ABLIM2: variants seen among roughly 807,000 people sequenced by gnomAD.
The protein encoded by ABLIM2 is actin binding LIM protein family member 2, also known as actin-binding LIM protein 2.
ABLIM2 carries 53 observed loss-of-function variants against 97.7 expected under a neutral mutation model. The observed-to-expected ratio is 0.54, with a 90% CI of 0.44 to 0.68. The LOEUF is 0.68. Among genes scored for constraint, ABLIM2 ranks in the 30% least tolerant of loss-of-function variants. ABLIM2 has a pLI of 0.00. For missense variants in ABLIM2, 835 were observed against 867.2 expected (o/e 0.96, Z 0.47); for synonymous variants, 361 against 345.8 (o/e 1.04, Z -0.49).
At chr4:8,098,077 C>T (rs752729633) in intron 2 of ABLIM2, among the ~76,000 whole-genome samples, 4 of 152,180 alleles carry the variant, frequency 2.6e-5, no homozygotes, top group Non-Finnish European at 5.9e-5. Flanking sequence ...TCCTGAGACC[C>T]GATCGCATTC....
rs534949331 is a variant in ABLIM2 at position 8,070,779 on chromosome 4, G to C, written c.675+6849C>G. 4.6e-5 allele frequency among the ~76,000 whole-genome samples: 7 copies of C among 152,284 alleles called. No homozygotes were observed. The South Asian group carries it at 1.2e-3, about 27-fold the overall frequency. ...GGGAGTGGTTGACTGGGGAAGGAAA[G>C]AGAGGAGGGGCAGAGGGAGGGAAGG... On this transcript the variant is annotated intron_variant, in intron 6 of 20. Coordinates refer to ENST00000447017, the MANE Select transcript of ABLIM2 (RefSeq NM_001130083.2).
At chr4:7,995,104 T>A (rs1752326990) in intron 16 of ABLIM2, among the ~76,000 whole-genome samples, 1 of 144,614 alleles carries the variant, frequency 6.9e-6, no homozygotes, top group Admixed American at 7.0e-5. Context: ...ATCAGAGAAA[T>A]GCAAATCAAA....
At chr4:8,053,542 C>T (rs375614305) in intron 8 of ABLIM2, among the ~76,000 whole-genome samples, 1 of 152,144 alleles carries the variant, frequency 6.6e-6, no homozygotes, top group African/African-American at 2.4e-5. Flanking sequence ...ACTGTTTGGG[C>T]CCCCTAACAC....
chr4:8,063,099 T>G (rs1804486221), intron 6 of ABLIM2, among the ~76,000 whole-genome samples: 1 of 152,182 alleles, frequency 6.6e-6, no homozygotes, highest in African/African-American at 2.4e-5. Context: ...AGAGTCTCGC[T>G]CTGTTGCCCA....
In ABLIM2 at chr4:7,997,179, CT is replaced by C. The variant is rs1266101035; in HGVS notation, c.1619-4253del. ...CTCCGTCTCCCAGGTTCAAGCGATT[CT>C]CCTGCCTCAGCCTCCCAAGTAACTG... On this transcript the variant is annotated intron_variant, in intron 16 of 20. Transcript: ENST00000447017. Among the ~76,000 whole-genome samples the C allele has an allele frequency of 3.9e-5, 6 of 152,326 alleles. No individual in the cohort carries two copies. In the East Asian group the frequency reaches 1.2e-3, roughly 29 times the overall value.
chr4:8,007,145 T>C, intron 16 of ABLIM2: 1 of 985,456 alleles, frequency 1.0e-6, no homozygotes, highest in Non-Finnish European at 1.2e-6. Flanking sequence ...GTTTACAGTT[T>C]GCAGGCATGA....
In ABLIM2 at chr4:8,061,022, C is replaced by A. The variant is rs377271680; in HGVS notation, c.708G>T (p.Ala236=). Residue 236 remains alanine (A), a synonymous_variant, in exon 7 of 21, where the codon GCG becomes GCT. Coordinates refer to ENST00000447017, the MANE Select transcript of ABLIM2 (RefSeq NM_001130083.2). The surrounding 1 kb of genome is among the most constrained non-coding windows in gnomAD (Gnocchi z 4.5). Reference sequence around the variant, plus strand: ...ACATCTGGCCGCACCTGACACATAGCGCGCAGGAAGGGTGGTAGTGCTTCT... The same window carrying A: ...ACATCTGGCCGCACCTGACACATAGAGCGCAGGAAGGGTGGTAGTGCTTCT... ...AGEKHYHPSC[A]LCVRCGQMFA... The A allele has an allele frequency of 1.3e-6, 2 of 1,598,510 alleles. No homozygotes were observed. Among genetic ancestry groups the A allele is most frequent in the Non-Finnish European group, 1.7e-6 (2 of 1,172,572 alleles).
intron 16 of ABLIM2, chr4:7,993,833 G>C (rs994858678): frequency 1.3e-5 from 6 of 456,116 alleles, no homozygotes; most frequent in Non-Finnish European, 2.2e-5. Context: ...CTGTCAGGAG[G>C]GGGCAGCCTT....
rs1042947166 is a variant in ABLIM2, at chr4:8,005,915, C to T, written c.1618+2144G>A. 2.6e-5 allele frequency among the ~76,000 whole-genome samples: 4 copies of T among 152,330 alleles called. No homozygotes were observed. The highest frequency in any genetic ancestry group is 6.5e-5 in the Admixed American group (1 of 15,302). On this transcript the variant is annotated intron_variant, in intron 16 of 20. Coordinates refer to ENST00000447017, the MANE Select transcript of ABLIM2 (RefSeq NM_001130083.2). The surrounding 1 kb of genome is among the most constrained non-coding windows in gnomAD (Gnocchi z 4.9). ...CCCCGGGGAATTCATGAGTGCAGCA[C>T]GGGCCATTGGAGTCCTGCAGACCCA...
chr4:8,131,728 G>T (rs1363150587), intron 1 of ABLIM2, among the ~76,000 whole-genome samples: 2 of 84,506 alleles, frequency 2.4e-5, no homozygotes, highest in Non-Finnish European at 2.3e-5. Flanking sequence ...GAGCACAGCA[G>T]CCCGCATCCC....
rs2150278001 is a variant in ABLIM2, at chr4:8,003,753, C to CG, written c.1618+4305dup. Among the ~76,000 whole-genome samples, 1 of 152,058 alleles carries CG rather than the reference C, an allele frequency of 6.6e-6. No homozygotes were observed. The highest frequency in any genetic ancestry group is 6.5e-5 in the Admixed American group (1 of 15,286). On this transcript the variant is annotated intron_variant, in intron 16 of 20. Coordinates refer to ENST00000447017, the MANE Select transcript of ABLIM2 (RefSeq NM_001130083.2). The surrounding 1 kb of genome is among the most constrained non-coding windows in gnomAD (Gnocchi z 4.2). ...GCTGATTTTTTGTGTTTAGTAGAGA[C>CG]GGGGTTTCACCATGTTGGTCAGGCT...
Position 8,126,162 on chromosome 4 carries a change from G to T in ABLIM2, c.11-19525C>A, listed in dbSNP as rs78005917. The stretch of plus-strand genomic sequence containing the variant: ...GGAGTTTCAGAGTGTGAGGCGCTGA[G>T]GGGGGGCTATGGACAAGAGTCCCAG... On this transcript the variant is annotated intron_variant, in intron 1 of 20. Transcript: ENST00000447017. Among the ~76,000 whole-genome samples, 1,177 of 152,256 alleles carry T rather than the reference G, an allele frequency of 7.7e-3. 17 individuals carry two copies. The highest frequency in any genetic ancestry group is 0.027 in the African/African-American group (1,140 of 41,528).
At chr4:8,091,295 ATATAT>A (rs1284778733) in intron 3 of ABLIM2, among the ~76,000 whole-genome samples, 3 of 56,470 alleles carry the variant, frequency 5.3e-5, no homozygotes, top group Non-Finnish European at 9.0e-5. Flanking sequence ...ATATAATATT[ATATAT>A]TATATTATAT....
rs1848904250 is a variant in ABLIM2, at chr4:8,128,791, G to T, written c.11-22154C>A. Among the ~76,000 whole-genome samples, 2 of 152,104 alleles carry T rather than the reference G, an allele frequency of 1.3e-5. No individual in the cohort carries two copies. Among genetic ancestry groups the T allele is most frequent in the African/African-American group, 2.4e-5 (1 of 41,418 alleles). The stretch of plus-strand genomic sequence containing the variant: ...AGGTGGAGCCCTCATCATGGGATGA[G>T]TGCCCTTGTAAGAAGAGGCCAGAGG... On this transcript the variant is annotated intron_variant, in intron 1 of 20. Transcript: ENST00000447017. The surrounding 1 kb of genome is among the most constrained non-coding windows in gnomAD (Gnocchi z 4.9).
At chr4:8,059,761 C>T (rs1801659748) in intron 7 of ABLIM2, among the ~76,000 whole-genome samples, 1 of 151,962 alleles carries the variant, frequency 6.6e-6, no homozygotes, top group Non-Finnish European at 1.5e-5. Context: ...AAAAAATTAG[C>T]CGGGTATGGT....
rs575997809 is a variant in ABLIM2, at chr4:8,064,283, AT to A, written c.676-3230del. 3.2e-3 allele frequency among the ~76,000 whole-genome samples: 492 copies of A among 152,364 alleles called. 3 individuals carry two copies. The highest frequency in any genetic ancestry group is 6.0e-3 in the Non-Finnish European group (409 of 68,036). On this transcript the variant is annotated intron_variant, in intron 6 of 20. Coordinates refer to ENST00000447017, the MANE Select transcript of ABLIM2 (RefSeq NM_001130083.2). Reference sequence around the variant, plus strand: ...CCTTCAAAACTCATGTTGAAATCTAATCACCTGTGTGGCAGTATTGAGAGGG... The same window carrying A: ...CCTTCAAAACTCATGTTGAAATCTAACACCTGTGTGGCAGTATTGAGAGGG...
Position 8,082,401 on chromosome 4 carries a change from C to G in ABLIM2, c.455-1599G>C, listed in dbSNP as rs1820506671. 6.6e-6 allele frequency among the ~76,000 whole-genome samples: 1 copy of G among 152,190 alleles called. No homozygotes were observed. Among genetic ancestry groups the G allele is most frequent in the Non-Finnish European group, 1.5e-5 (1 of 68,036 alleles). On this transcript the variant is annotated intron_variant, in intron 4 of 20. Transcript: ENST00000447017. This position sits in a 1 kb window ranked among gnomAD's most constrained non-coding sequence, Gnocchi z 5.6. Reference sequence around the variant, plus strand: ...GCTAATTTACACAGAAGACCTGGCCCAAAGCCTTGCGCATCCCGGGTGAAC... The same window carrying G: ...GCTAATTTACACAGAAGACCTGGCCGAAAGCCTTGCGCATCCCGGGTGAAC...
chr4:8,099,367 C>T (rs10010506), intron 2 of ABLIM2, among the ~76,000 whole-genome samples: 3,739 of 152,256 alleles, frequency 0.025, 170 homozygotes, highest in African/African-American at 0.085. Context: ...AAAGACGTGA[C>T]GGCGTGAGCT....
intron 8 of ABLIM2, among the ~76,000 whole-genome samples, chr4:8,051,005 A>G (rs957350735): frequency 3.3e-5 from 5 of 152,250 alleles, no homozygotes; most frequent in African/African-American, 1.2e-4. Context: ...CCGGTGGTTA[A>G]GTGACCCCTG....
Sources: gnomAD v4.1 joint callset for allele counts (sites outside exome capture counted in the v4.1 genomes callset) on GRCh38, gnomAD v4.1.1 for gene constraint, Gnocchi (gnomAD v3.1) non-coding constraint, MANE v1.5 for transcripts, NCBI Gene and HGNC (gene_info 2026-07-23, HGNC 2026-07-21) for gene names.